EPN1: variants seen among roughly 807,000 people sequenced by gnomAD.
EPN1 encodes the protein epsin 1, also known as epsin-1.
A neutral mutation model predicts 56.9 loss-of-function variants in EPN1; 25 were observed. That is an observed-to-expected ratio of 0.44 (90% CI 0.32 to 0.61). EPN1 has a LOEUF of 0.61. Ranked by LOEUF, EPN1 falls within the 20% of genes least tolerant of loss-of-function variation. EPN1 has a pLI of 0.05. For synonymous variants in EPN1, 411 were observed against 361.8 expected (o/e 1.14, Z -1.54); for missense variants, 785 against 823.7 (o/e 0.95, Z 0.58).
Position 55,705,155 on chromosome 19 carries a change from CTATT to C in EPN1, c.*9800_*9803del, listed in dbSNP as rs1236672246. The stretch of plus-strand genomic sequence containing the variant: ...GAGTAAGCTCTGACCCAATCATTGA[CTATT>C]AAACTTCAGAGGTCCATGGAGACCT... On this transcript the variant is annotated 3_prime_UTR_variant, in exon 11 of 11. Coordinates refer to ENST00000270460, the MANE Select transcript of EPN1 (RefSeq NM_001130072.2). 6.6e-6 allele frequency: 1 copy of C among 152,240 alleles called. No homozygotes were observed. The highest frequency in any genetic ancestry group is 1.9e-4 in the East Asian group (1 of 5,200). 9.4% of individuals were successfully genotyped at this position (152,240 alleles called of 1,614,324 possible).
rs1363493137 is a variant in EPN1 at position 55,677,670 on chromosome 19, T to G, written c.-101-857T>G. Reference sequence around the variant, plus strand: ...TTAGGTTCCTTATCTCTCCTGAGCCTTGGGCTTCCGCTATCCTTGGGACGT... The same window carrying G: ...TTAGGTTCCTTATCTCTCCTGAGCCGTGGGCTTCCGCTATCCTTGGGACGT... On this transcript the variant is annotated intron_variant, in intron 1 of 10. Transcript: ENST00000270460. 5 of 1,551,524 alleles carry G rather than the reference T, an allele frequency of 3.2e-6. No homozygotes were observed. The East Asian group carries it at 1.2e-4, about 38-fold the overall frequency.
Position 55,708,827 on chromosome 19 carries a change from C to CA in EPN1, c.*13473dup, listed in dbSNP as rs1486302448. 3.5e-5 allele frequency: 31 copies of CA among 890,188 alleles called. No individual in the cohort carries two copies. Among genetic ancestry groups the CA allele is most frequent in the Non-Finnish European group, 4.8e-5 (29 of 599,986 alleles). 55.1% of individuals were successfully genotyped at this position (890,188 alleles called of 1,614,324 possible). ...ATCACAGCCCTGCTGCCATGATGTG[C>CA]AATTACAGGATAGAGGTGCCAGGTG... On this transcript the variant is annotated 3_prime_UTR_variant, in exon 11 of 11. Coordinates refer to ENST00000270460, the MANE Select transcript of EPN1 (RefSeq NM_001130072.2).
Position 55,691,619 on chromosome 19 carries a change from C to T in EPN1, c.763-135C>T. The T allele has an allele frequency of 1.4e-6, 1 of 740,404 alleles. No individual in the cohort carries two copies. Among genetic ancestry groups the T allele is most frequent in the Non-Finnish European group, 2.3e-6 (1 of 443,910 alleles). The allele number at this position is 740,404 out of a possible 1,614,324, so 45.9% of individuals were successfully genotyped here. ...GGTGGTGTGTTTGGGGCCTGCCTCC[C>T]TCTCACCCCTTATGGATGGCTGCTG... is the stretch of plus-strand genomic sequence containing the variant. On this transcript the variant is annotated intron_variant, in intron 6 of 10. Transcript: ENST00000270460. The surrounding 1 kb of genome is among the most constrained non-coding windows in gnomAD (Gnocchi z 5.6).
At chr19:55,679,814 A>G (rs1985690508) in intron 2 of EPN1, among the ~76,000 whole-genome samples, 1 of 152,052 alleles carries the variant, frequency 6.6e-6, no homozygotes, top group African/African-American at 2.4e-5. Flanking sequence ...TCATAGATTG[A>G]ATCAGTTATT....
In EPN1 at chr19:55,706,634, AGGGAAG is replaced by A. The variant is rs1003083752; in HGVS notation, c.*11286_*11291del. 25 of 149,112 alleles carry A rather than the reference AGGGAAG, an allele frequency of 1.7e-4. 1 individual carries two copies. The highest frequency in any genetic ancestry group is 4.6e-4 in the African/African-American group (18 of 39,454). 9.2% of individuals were successfully genotyped at this position (149,112 alleles called of 1,614,324 possible). A position where few individuals can be genotyped will look rare whatever the true frequency, so the allele number is the denominator to read the frequency against. On this transcript the variant is annotated 3_prime_UTR_variant, in exon 11 of 11. Transcript: ENST00000270460. ...GCATTGCAGGAAAGAGAGAAAAAGG[AGGGAAG>A]GGGAAGGAAAAGGAAAGAAAGAAAA...
Position 55,685,501 on chromosome 19 carries a change from G to A in EPN1, c.334G>A (p.Val112Met), listed in dbSNP as rs780621592. 2.9e-5 allele frequency: 46 copies of A among 1,612,836 alleles called. No homozygotes were observed. Among genetic ancestry groups the A allele is most frequent in the Middle Eastern group, 1.6e-4 (1 of 6,084 alleles). ...AVQTLKDFQY[V>M]DRDGKDQGVN... ...GCAGACGCTGAAGGACTTCCAGTAC[G>A]TGGACCGCGACGGCAAGGACCAGGG... The change falls in exon 3 of 11, where the codon GTG (valine) becomes ATG (methionine). Residue 112 changes from valine to methionine, a missense_variant. Physicochemically the swap from Val to Met is conservative, Grantham distance 21. This residue lies in a region of EPN1 where 135 missense variants were observed against 218.7 expected (regional missense o/e 0.62). Transcript: ENST00000270460.
intron 1 of EPN1, among the ~76,000 whole-genome samples, chr19:55,676,239 C>T (rs1004344850): frequency 6.6e-6 from 1 of 152,184 alleles, no homozygotes; most frequent in Non-Finnish European, 1.5e-5. Flanking sequence ...TTTATTATTA[C>T]AGTGCTTAGA....
At chr19:55,690,011 A>T (rs1199014590) in intron 6 of EPN1, 61 bp downstream of exon 6, 2 of 1,452,232 alleles carry the variant, frequency 1.4e-6, no homozygotes, top group African/African-American at 2.8e-5. Context: ...CCCATCGCTC[A>T]TTCCTGCGTG....
In EPN1 at chr19:55,693,036, A is replaced by G; in HGVS notation, c.1263A>G (p.Ala421=). ...RTALPTSGSS[A]GELELLAGEV... ...CACTGCCGACCTCCGGGAGCAGCGC[A>G]GGTGAGCCCCTGCCCTCCCCTGCCC... The change falls in exon 9 of 11, where the codon GCA becomes GCG. Residue 421 remains alanine, a splice_region_variant and synonymous_variant. Coordinates refer to ENST00000270460, the MANE Select transcript of EPN1 (RefSeq NM_001130072.2). 2.5e-6 allele frequency: 4 copies of G among 1,612,318 alleles called. No individual in the cohort carries two copies. Among genetic ancestry groups the G allele is most frequent in the Non-Finnish European group, 3.4e-6 (4 of 1,178,858 alleles).
rs1420990733 is a variant in EPN1, at chr19:55,705,408, G to A, written c.*10052G>A. ...TGAGCCTGTAATTCCAGCAGTTTGG[G>A]AGGCCGGGGCGAATGGATGACTTGA... On this transcript the variant is annotated 3_prime_UTR_variant, in exon 11 of 11. Transcript: ENST00000270460. The A allele has an allele frequency of 1.2e-4, 18 of 152,232 alleles. No individual in the cohort carries two copies. The highest frequency in any genetic ancestry group is 3.9e-4 in the African/African-American group (16 of 41,456). 9.4% of individuals were successfully genotyped at this position (152,232 alleles called of 1,614,324 possible).
Position 55,678,711 on chromosome 19 carries a change from G to C in EPN1, c.84G>C (p.Thr28=). ...SEAEIKVREA[T]SNDPWGPSSS... is the part of the protein sequence containing the mutation. ...CGGAGATCAAGGTTCGAGAGGCCAC[G>C]AGCAATGACCCCTGGGGCCCATCCA... is the stretch of plus-strand genomic sequence containing the variant. The change falls in exon 2 of 11, where the codon ACG becomes ACC. Residue 28 remains threonine, a synonymous_variant. Coordinates refer to ENST00000270460, the MANE Select transcript of EPN1 (RefSeq NM_001130072.2). The C allele has an allele frequency of 1.2e-6, 2 of 1,614,172 alleles. No individual in the cohort carries two copies. The highest frequency in any genetic ancestry group is 1.7e-6 in the Non-Finnish European group (2 of 1,180,030).
At chr19:55,692,850 T>G in intron 8 of EPN1, 54 bp downstream of exon 8, 10 of 1,583,964 alleles carry the variant, frequency 6.3e-6, no homozygotes, top group Non-Finnish European at 8.6e-6. Flanking sequence ...TGGGAGAAGT[T>G]AGTGTTGAGT....
chr19:55,686,209 C>T (rs984188038), intron 3 of EPN1, among the ~76,000 whole-genome samples: 2 of 152,234 alleles, frequency 1.3e-5, no homozygotes, highest in Non-Finnish European at 2.9e-5. Context: ...CATCCCACAT[C>T]GTCAAGCCAA....
intron 3 of EPN1, among the ~76,000 whole-genome samples, chr19:55,687,974 G>T (rs1453675341): frequency 2.0e-5 from 3 of 152,192 alleles, no homozygotes; most frequent in Non-Finnish European, 4.4e-5. Context: ...GAGTGGGTTG[G>T]GTGGGGACAC....
At position 55,692,042 on chromosome 19, in the gene EPN1, T is replaced by TG; in HGVS notation, c.1055dup (p.Ser353LysfsTer54). 1 of 1,451,480 alleles carries TG rather than the reference T, an allele frequency of 6.9e-7. No individual in the cohort carries two copies. The highest frequency in any genetic ancestry group is 9.0e-7 in the Non-Finnish European group (1 of 1,108,400). 89.9% of individuals were successfully genotyped at this position (1,451,480 alleles called of 1,614,324 possible). A position where few individuals can be genotyped will look rare whatever the true frequency, so the allele number is the denominator to read the frequency against. On this transcript the variant is annotated frameshift_variant, in exon 7 of 11. Coordinates refer to ENST00000270460, the MANE Select transcript of EPN1 (RefSeq NM_001130072.2). LOFTEE classifies it high-confidence loss of function. ...TGGGGAGGGGCCCACGCCTGATCCATGGGGAAGTTCCGATGGTGAGTGCGT... is the reference window on the plus strand; with the variant it reads ...TGGGGAGGGGCCCACGCCTGATCCATGGGGGAAGTTCCGATGGTGAGTGCGT...
rs1041064576 is a variant in EPN1 at position 55,692,071 on chromosome 19, C to T, written c.1066+14C>T. ...GAAGTTCCGATGGTGAGTGCGTGGC[C>T]CACTTGCATGCAGCCCCTACGCCTG... is the stretch of plus-strand genomic sequence containing the variant. On this transcript the variant is annotated intron_variant, in intron 7 of 10. Transcript: ENST00000270460. 88 of 1,424,414 alleles carry T rather than the reference C, an allele frequency of 6.2e-5. No individual in the cohort carries two copies. The highest frequency in any genetic ancestry group is 7.9e-5 in the Non-Finnish European group (87 of 1,094,448). 88.2% of individuals were successfully genotyped at this position (1,424,414 alleles called of 1,614,324 possible).
rs753102173 is a variant in EPN1 at position 55,685,605 on chromosome 19, C to A, written c.438C>A (p.His146Gln). The A allele has an allele frequency of 3.1e-6, 5 of 1,603,782 alleles. No individual in the cohort carries two copies. Among genetic ancestry groups the A allele is most frequent in the Admixed American group, 1.7e-5 (1 of 58,800 alleles). Residue 146 changes from histidine (H) to glutamine (Q), a missense_variant, in exon 3 of 11, where the codon CAC becomes CAA. By Grantham distance (24) the His-to-Gln change is conservative (BLOSUM62 0). Coordinates refer to ENST00000270460, the MANE Select transcript of EPN1 (RefSeq NM_001130072.2). ...DEDRLREERA[H>Q]ALKTKEKLAQ... ...ACCGGCTGCGGGAAGAGCGGGCGCA[C>A]GCGCTCAAGACCAAGGAAAAGCTGG...
chr19:55,685,695 A>G (rs112263634), intron 3 of EPN1, 50 bp downstream of exon 3: 50,560 of 1,544,150 alleles, frequency 0.033, 1,806 homozygotes, highest in African/African-American at 0.18. Context: ...TCCTCCGCCT[A>G]CTGCGGCTCC....
chr19:55,680,434 T>G (rs1985734649), intron 2 of EPN1, among the ~76,000 whole-genome samples: 1 of 152,132 alleles, frequency 6.6e-6, no homozygotes, highest in South Asian at 2.1e-4. Context: ...GCAGAGCCTG[T>G]AGGATCCCCA....
Sources: allele counts gnomAD v4.1 joint callset (sites outside exome capture counted in the v4.1 genomes callset), GRCh38; gene constraint gnomAD v4.1.1; regional missense constraint gnomAD v4.1.1; non-coding constraint Gnocchi (gnomAD v3.1); transcripts MANE v1.5; gene names NCBI Gene and HGNC (gene_info 2026-07-23, HGNC 2026-07-21).